FHIP1A: variants seen among roughly 807,000 people sequenced by gnomAD.
FHIP1A encodes FHF complex subunit HOOK-interacting protein 1A.
FHIP1A carries 61 observed loss-of-function variants against 88.6 expected under a neutral mutation model. That is an observed-to-expected ratio of 0.69 (90% CI 0.56 to 0.85). FHIP1A has a LOEUF of 0.85. Ranked by LOEUF, FHIP1A falls within the 40% of genes least tolerant of loss-of-function variation. The pLI is 0.00. For missense variants in FHIP1A, 1,154 were observed against 1,273.5 expected (o/e 0.91, Z 1.43); for synonymous variants, 478 against 496.0 (o/e 0.96, Z 0.48).
chr4:151,409,281 C>T lies in FHIP1A; in HGVS notation c.-540C>T, dbSNP rs866562172. ...CGGGCACTCCTGAGTTTGAGCCGGGCCTGGAGGACCTGGGCCAAGACTTTC... is the reference window on the plus strand; with the variant it reads ...CGGGCACTCCTGAGTTTGAGCCGGGTCTGGAGGACCTGGGCCAAGACTTTC... On this transcript the variant is annotated 5_prime_UTR_variant, in exon 1 of 14. Transcript: ENST00000435205. The T allele has an allele frequency of 6.6e-6, 1 of 152,316 alleles. No homozygotes were observed. The highest frequency in any genetic ancestry group is 2.1e-4 in the South Asian group (1 of 4,834). The allele number at this position is 152,316 out of a possible 1,614,324, so 9.4% of individuals were successfully genotyped here.
At chr4:151,544,425 T>G (rs919443065) in intron 3 of FHIP1A, among the ~76,000 whole-genome samples, 9 of 152,214 alleles carry the variant, frequency 5.9e-5, no homozygotes, top group Non-Finnish European at 1.2e-4. Context: ...TTCAACACTT[T>G]GGGTCTAAGA....
chr4:151,524,301 C>CA lies in FHIP1A; in HGVS notation c.-123+41669dup, dbSNP rs5862962. ...TGGGTGACAGAGTGAGAATCTGTCT[C>CA]AAAAAAAAAAAAAAAAGTTGTTACT... On this transcript the variant is annotated intron_variant, in intron 3 of 13. Transcript: ENST00000435205. Among the ~76,000 whole-genome samples the CA allele has an allele frequency of 4.9e-3, 667 of 136,574 alleles. 2 individuals carry two copies. Among genetic ancestry groups the CA allele is most frequent in the African/African-American group, 0.012 (443 of 37,010 alleles). 89.6% of individuals were successfully genotyped at this position (136,574 alleles called of 152,430 possible).
At chr4:151,624,992 G>C (rs1327430681) in intron 7 of FHIP1A, among the ~76,000 whole-genome samples, 2 of 152,156 alleles carry the variant, frequency 1.3e-5, no homozygotes, top group Non-Finnish European at 2.9e-5. Flanking sequence ...TGTCCTTGGA[G>C]GGGAGAAGAT....
chr4:151,636,599 GAAT>G lies in FHIP1A; in HGVS notation c.1147-2075_1147-2073del, dbSNP rs1306171231. Among the ~76,000 whole-genome samples, 7 of 151,970 alleles carry G rather than the reference GAAT, an allele frequency of 4.6e-5. No homozygotes were observed. In the South Asian group the frequency reaches 1.0e-3, roughly 23 times the overall value. ...AAATCAATTTACAATAACATCAAAAGAATAAAATATGAATAAATTTTTACAAAA... is the reference window on the plus strand; with the variant it reads ...AAATCAATTTACAATAACATCAAAAGAAAATATGAATAAATTTTTACAAAA... On this transcript the variant is annotated intron_variant, in intron 8 of 13. Transcript: ENST00000435205.
chr4:151,430,902 G>T (rs911335928), intron 1 of FHIP1A, among the ~76,000 whole-genome samples: 3 of 152,150 alleles, frequency 2.0e-5, no homozygotes, highest in African/African-American at 7.2e-5. Context: ...TTTTATTCTA[G>T]TATTCTTGTT....
intron 2 of FHIP1A, among the ~76,000 whole-genome samples, chr4:151,482,060 A>C (rs141220796): frequency 1.1e-4 from 16 of 152,272 alleles, no homozygotes; most frequent in African/African-American, 3.8e-4. Context: ...ATGAATTGTC[A>C]GTATCTAGAG....
At chr4:151,597,861 A>G (rs1449769829) in intron 7 of FHIP1A, among the ~76,000 whole-genome samples, 1 of 152,110 alleles carries the variant, frequency 6.6e-6, no homozygotes, top group Non-Finnish European at 1.5e-5. Context: ...AGCCTCAGTA[A>G]TGGTGGATGC....
chr4:151,575,637 A>AT (rs915152654), intron 4 of FHIP1A, among the ~76,000 whole-genome samples: 5 of 152,160 alleles, frequency 3.3e-5, no homozygotes, highest in East Asian at 3.9e-4. Flanking sequence ...TGTTAGGGTG[A>AT]TTTTTTTGCC....
chr4:151,656,352 G>A lies in FHIP1A; in HGVS notation c.2672G>A (p.Arg891His), dbSNP rs750715548. The A allele has an allele frequency of 2.0e-5, 31 of 1,551,516 alleles. No homozygotes were observed. Among genetic ancestry groups the A allele is most frequent in the East Asian group, 9.8e-5 (4 of 40,936 alleles). ...GCCAGCTACCCCCAGCCACTCCTGCGCTCCTTTCTGCTCAACACCAACATG... is the reference window on the plus strand; with the variant it reads ...GCCAGCTACCCCCAGCCACTCCTGCACTCCTTTCTGCTCAACACCAACATG... ...QLASYPQPLLRSFLLNTNMVF... is the reference protein window; with the variant it reads ...QLASYPQPLLHSFLLNTNMVF... Residue 891 changes from arginine (R) to histidine (H), a missense_variant, in exon 12 of 14, where the codon CGC (arginine) becomes CAC (histidine). Coordinates refer to ENST00000435205, the MANE Select transcript of FHIP1A (RefSeq NM_001109977.3). This position sits in a 1 kb window ranked among gnomAD's most constrained non-coding sequence, Gnocchi z 4.2.
chr4:151,416,993 C>A (rs576427019), intron 1 of FHIP1A, among the ~76,000 whole-genome samples: 47 of 152,228 alleles, frequency 3.1e-4, no homozygotes, highest in African/African-American at 1.1e-3. Flanking sequence ...GCATGTTGCT[C>A]AGGCTGGTCT....
intron 2 of FHIP1A, among the ~76,000 whole-genome samples, chr4:151,456,051 C>A (rs1243444188): frequency 2.6e-5 from 4 of 152,082 alleles, no homozygotes; most frequent in African/African-American, 9.7e-5. Flanking sequence ...CACATACCTT[C>A]TTAACATACA....
At chr4:151,570,752 A>G (rs1320749984) in intron 4 of FHIP1A, among the ~76,000 whole-genome samples, 1 of 152,236 alleles carries the variant, frequency 6.6e-6, no homozygotes, top group Non-Finnish European at 1.5e-5. Context: ...TGTTCAATAA[A>G]TGATTGAACT....
chr4:151,648,738 A>G (rs1390729278), intron 10 of FHIP1A, among the ~76,000 whole-genome samples: 1 of 151,250 alleles, frequency 6.6e-6, no homozygotes, highest in Non-Finnish European at 1.5e-5. Context: ...AGCCTACTAG[A>G]TGTTTAAGAA....
chr4:151,446,581 C>CTTTTTTTT (rs35115788), intron 1 of FHIP1A, among the ~76,000 whole-genome samples: 3 of 109,964 alleles, frequency 2.7e-5, no homozygotes, highest in African/African-American at 6.8e-5. Context: ...TGTTCTTTTT[C>CTTTTTTTT]TTTTTTTTTT....
chr4:151,416,452 C>G (rs775076839), intron 1 of FHIP1A, among the ~76,000 whole-genome samples: 3 of 152,024 alleles, frequency 2.0e-5, no homozygotes, highest in Non-Finnish European at 4.4e-5. Flanking sequence ...AATATGTTTA[C>G]AAATGTAATT....
intron 10 of FHIP1A, among the ~76,000 whole-genome samples, chr4:151,648,483 T>A (rs73862076): frequency 0.11 from 17,165 of 152,066 alleles, 1,027 homozygotes; most frequent in African/African-American, 0.13. Context: ...AAAGCTCGAT[T>A]CTGACCCAGT....
At chr4:151,608,784 T>G (rs1392800920) in intron 7 of FHIP1A, among the ~76,000 whole-genome samples, 1 of 152,210 alleles carries the variant, frequency 6.6e-6, no homozygotes, top group Non-Finnish European at 1.5e-5. Flanking sequence ...TCAGATGATG[T>G]CAGATAAAAG....
chr4:151,466,025 AAG>A (rs1329181393), intron 2 of FHIP1A, among the ~76,000 whole-genome samples: 1 of 152,206 alleles, frequency 6.6e-6, no homozygotes, highest in Non-Finnish European at 1.5e-5. Context: ...TTCATATAGA[AAG>A]AGAGGAAGTC....
intron 1 of FHIP1A, among the ~76,000 whole-genome samples, chr4:151,451,806 C>CTTTTTTTTTTTTTTTTTTT (rs112946935): frequency 6.8e-6 from 1 of 147,696 alleles, no homozygotes; most frequent in Non-Finnish European, 1.5e-5. Flanking sequence ...CTTTTTCTTT[C>CTTTTTTTTTTTTTTTTTTT]TTTTTTTTCT....
Sources: gnomAD v4.1 joint callset for allele counts (sites outside exome capture counted in the v4.1 genomes callset) on GRCh38, gnomAD v4.1.1 for gene constraint, Gnocchi (gnomAD v3.1) non-coding constraint, MANE v1.5 for transcripts, NCBI Gene and HGNC (gene_info 2026-07-23, HGNC 2026-07-21) for gene names.